The following KLHL1 variants were observed in gnomAD, a reference collection of about 807,000 sequenced individuals.
KLHL1 encodes the protein kelch like family member 1.
KLHL1 carries 47 observed loss-of-function variants against 77.7 expected under a neutral mutation model. The observed-to-expected ratio is 0.60, with a 90% CI of 0.48 to 0.77. The LOEUF (loss-of-function observed/expected upper bound fraction) is 0.77. Ranked by LOEUF, KLHL1 falls within the 30% of genes least tolerant of loss-of-function variation. The probability of loss-of-function intolerance (pLI) is 0.00; values close to 1 mark genes in which losing one functional copy is unlikely to be tolerated. For synonymous variants in KLHL1, 360 were observed against 325.2 expected (o/e 1.11, Z -1.15); for missense variants, 925 against 910.8 (o/e 1.02, Z -0.20).
rs973855835 is a variant in KLHL1 at position 69,954,464 on chromosome 13, A to T, written c.817+6844T>A. On this transcript the variant is annotated intron_variant, in intron 3 of 10. Transcript: ENST00000377844. ...AAAGTAAAGGAAAATGAAAACAATT[A>T]TAAGACTGAGAGCAACAATAAAATA... 5.9e-5 allele frequency among the ~76,000 whole-genome samples: 9 copies of T among 151,308 alleles called. No homozygotes were observed. In the Admixed American group the frequency reaches 6.0e-4, roughly 10 times the overall value.
intron 4 of KLHL1, among the ~76,000 whole-genome samples, chr13:69,900,475 C>T (rs2138225362): frequency 6.6e-6 from 1 of 152,320 alleles, no homozygotes; most frequent in East Asian, 1.9e-4. Context: ...TTCGGATTAG[C>T]GTTTTTCACC....
chr13:69,859,739 T>A (rs1880062985), intron 5 of KLHL1, among the ~76,000 whole-genome samples: 1 of 152,260 alleles, frequency 6.6e-6, no homozygotes, highest in Non-Finnish European at 1.5e-5. Context: ...AGAATTTTCT[T>A]AGCTAAATTT....
intron 1 of KLHL1, among the ~76,000 whole-genome samples, chr13:69,991,940 A>G (rs1305250042): frequency 6.6e-6 from 1 of 152,024 alleles, no homozygotes; most frequent in African/African-American, 2.4e-5. Context: ...TTTTGTTAAT[A>G]TTAAAGCTAT....
chr13:69,707,980 A>G (rs1875703614), intron 9 of KLHL1, among the ~76,000 whole-genome samples, 184 bp from the exon 10 acceptor site: 1 of 151,984 alleles, frequency 6.6e-6, no homozygotes, highest in South Asian at 2.1e-4. Flanking sequence ...CTAAACTTTA[A>G]GGTATTTTAA....
intron 4 of KLHL1, among the ~76,000 whole-genome samples, chr13:69,923,159 CAG>C (rs1882700006): frequency 2.0e-5 from 3 of 152,230 alleles, no homozygotes; most frequent in Middle Eastern, 3.4e-3. Flanking sequence ...AATGGTAAAA[CAG>C]AAAGAATAGT....
intron 5 of KLHL1, among the ~76,000 whole-genome samples, chr13:69,853,014 GTTA>G (rs1263161792): frequency 6.6e-6 from 1 of 151,948 alleles, no homozygotes; most frequent in Non-Finnish European, 1.5e-5. Context: ...TGAGCAGATG[GTTA>G]TTATTTTCTA....
At chr13:69,767,760 T>C (rs1485104630) in intron 7 of KLHL1, among the ~76,000 whole-genome samples, 5 of 152,282 alleles carry the variant, frequency 3.3e-5, no homozygotes, top group Non-Finnish European at 7.4e-5. Context: ...TTCAGTAGGC[T>C]TCTAATTCAA....
intron 5 of KLHL1, among the ~76,000 whole-genome samples, chr13:69,876,626 A>G (rs1880772735): frequency 6.6e-6 from 1 of 152,216 alleles, no homozygotes; most frequent in South Asian, 2.1e-4. Context: ...CAGAAAATAA[A>G]TGTACATGCA....
chr13:69,950,748 C>A lies in KLHL1; in HGVS notation c.818-10512G>T, dbSNP rs190384029. 1.0e-3 allele frequency among the ~76,000 whole-genome samples: 156 copies of A among 151,630 alleles called. 1 individual carries two copies. The East Asian group carries it at 0.024, about 24-fold the overall frequency. On this transcript the variant is annotated intron_variant, in intron 3 of 10. Transcript: ENST00000377844. ...TGAATTCGGCAGAGATAATTCAATTCCCTTTAAAATAATTGTACCTTGAAC... is the reference window on the plus strand; with the variant it reads ...TGAATTCGGCAGAGATAATTCAATTACCTTTAAAATAATTGTACCTTGAAC...
intron 5 of KLHL1, among the ~76,000 whole-genome samples, chr13:69,865,929 T>C (rs997834986): frequency 2.6e-5 from 4 of 152,154 alleles, no homozygotes; most frequent in Non-Finnish European, 1.5e-5. Context: ...TTTTAACATA[T>C]TCTGAGAGTA....
At chr13:69,879,925 G>A (rs1017999164) in intron 5 of KLHL1, among the ~76,000 whole-genome samples, 8 of 152,120 alleles carry the variant, frequency 5.3e-5, no homozygotes, top group Admixed American at 2.0e-4. Context: ...AGATAAAATC[G>A]TTTGGTAACT....
At chr13:69,939,166 T>TA (rs1326710044) in intron 4 of KLHL1, among the ~76,000 whole-genome samples, 2 of 150,988 alleles carry the variant, frequency 1.3e-5, no homozygotes, top group Non-Finnish European at 3.0e-5. Context: ...ATTTCTAGGA[T>TA]AGGTAATATG....
At chr13:69,858,372 GTTCT>G (rs1880005752) in intron 5 of KLHL1, among the ~76,000 whole-genome samples, 2 of 152,062 alleles carry the variant, frequency 1.3e-5, no homozygotes, top group African/African-American at 4.8e-5. Flanking sequence ...ACCACATGGA[GTTCT>G]TTCTAATTCT....
At chr13:69,764,425 T>G (rs1875169368) in intron 7 of KLHL1, among the ~76,000 whole-genome samples, 1 of 152,204 alleles carries the variant, frequency 6.6e-6, no homozygotes, top group Non-Finnish European at 1.5e-5. Flanking sequence ...CATTCTTTAT[T>G]CAATTAAACT....
intron 1 of KLHL1, among the ~76,000 whole-genome samples, chr13:70,064,090 AAGAC>A (rs1160467106): frequency 6.6e-6 from 1 of 152,146 alleles, no homozygotes; most frequent in Non-Finnish European, 1.5e-5. Flanking sequence ...AATGGACACA[AAGAC>A]AGGCTGAACA....
intron 6 of KLHL1, among the ~76,000 whole-genome samples, chr13:69,817,066 T>C (rs1433224961): frequency 1.3e-5 from 2 of 152,124 alleles, no homozygotes; most frequent in African/African-American, 4.8e-5. Flanking sequence ...CATCTTAAAA[T>C]GCTTACTGAA....
At chr13:69,807,536 C>T (rs1162392251) in intron 6 of KLHL1, among the ~76,000 whole-genome samples, 1 of 152,120 alleles carries the variant, frequency 6.6e-6, no homozygotes, top group East Asian at 1.9e-4. Flanking sequence ...GAGCAAACCA[C>T]ACTCCCCATG....
chr13:69,817,324 T>C (rs1878160905), intron 6 of KLHL1, among the ~76,000 whole-genome samples: 1 of 152,150 alleles, frequency 6.6e-6, no homozygotes, highest in Admixed American at 6.5e-5. Flanking sequence ...AAAAAAGAAG[T>C]CATAAAATGT....
At chr13:69,960,950 C>T (rs1214286559) in intron 3 of KLHL1, among the ~76,000 whole-genome samples, 1 of 151,964 alleles carries the variant, frequency 6.6e-6, no homozygotes, top group African/African-American at 2.4e-5. Flanking sequence ...GTTATTTGAA[C>T]CCATCATTTC....
Sources: gnomAD v4.1 joint callset for allele counts (sites outside exome capture counted in the v4.1 genomes callset) on GRCh38, gnomAD v4.1.1 for gene constraint, MANE v1.5 for transcripts, NCBI Gene and HGNC (gene_info 2026-07-23, HGNC 2026-07-21) for gene names.